Variants in TCF7 observed in about 807,000 individuals in gnomAD.
The protein encoded by TCF7 is transcription factor 7, also known as T-cell-factor-7.
In TCF7, 19 loss-of-function variants were observed where a neutral mutation model predicts 46.8. That is an observed-to-expected ratio of 0.41 (90% CI 0.28 to 0.60). The LOEUF is 0.60. TCF7 is among the 20% of genes least tolerant of loss of function. The probability of loss-of-function intolerance (pLI) is 0.35; values close to 1 mark genes in which losing one functional copy is unlikely to be tolerated. For missense variants in TCF7, 547 were observed against 504.6 expected, an observed-to-expected ratio of 1.08 and a Z score of -0.81; for synonymous variants, 245 against 213.4, an observed-to-expected ratio of 1.15 and a Z score of -1.29.
At position 134,142,977 on chromosome 5, in the gene TCF7, CT is replaced by C. The variant is rs1760079587; in HGVS notation, c.919-15del. 6.2e-7 allele frequency: 1 copy of C among 1,613,670 alleles called. No homozygotes were observed. Among genetic ancestry groups the C allele is most frequent in the Admixed American group, 1.7e-5 (1 of 59,962 alleles). ...ACTCCCTGATGCACCCCACCTGCCC[CT>C]CTTCCCTGTTGCAGTGGCACGCGCT... On this transcript the variant is annotated splice_polypyrimidine_tract_variant and intron_variant, in intron 7 of 9. Coordinates refer to ENST00000342854, the MANE Select transcript of TCF7 (RefSeq NM_003202.5).
chr5:134,115,473 CG>C, intron 2 of TCF7, 86 bp downstream of exon 2: 2 of 1,518,352 alleles, frequency 1.3e-6, no homozygotes, highest in Non-Finnish European at 1.8e-6. Flanking sequence ...CGCGGGGAGC[CG>C]GGTGCCTCCC....
At chr5:134,123,423 C>T (rs1053597349) in intron 3 of TCF7, among the ~76,000 whole-genome samples, 10 of 152,234 alleles carry the variant, frequency 6.6e-5, no homozygotes, top group African/African-American at 2.4e-4. Flanking sequence ...TCACTGGGAG[C>T]CTCTAAGTCG....
At chr5:134,143,886 T>C (rs1760273349) in intron 9 of TCF7, 2 of 519,252 alleles carry the variant, frequency 3.9e-6, no homozygotes, top group Admixed American at 3.3e-5. Context: ...AGATGGTGCG[T>C]TCCTCTGCCT....
chr5:134,123,115 A>G (rs1263147272), intron 3 of TCF7, among the ~76,000 whole-genome samples: 1 of 152,216 alleles, frequency 6.6e-6, no homozygotes, highest in African/African-American at 2.4e-5. Context: ...AGCACACAGT[A>G]GGTGCCTCCT....
At chr5:134,145,192 G>A (rs925240010) in intron 9 of TCF7, 1 of 593,714 alleles carries the variant, frequency 1.7e-6, no homozygotes, top group Admixed American at 1.9e-5. Flanking sequence ...CACTAAGGGG[G>A]CCTGGAGCCC....
At chr5:134,120,379 C>T (rs969316916) in intron 3 of TCF7, among the ~76,000 whole-genome samples, 1 of 152,144 alleles carries the variant, frequency 6.6e-6, no homozygotes, top group African/African-American at 2.4e-5. Context: ...CATCTCTCAC[C>T]TGATGAGACC....
intron 5 of TCF7, among the ~76,000 whole-genome samples, chr5:134,140,113 C>T (rs1759512361): frequency 6.6e-6 from 1 of 152,178 alleles, no homozygotes; most frequent in Admixed American, 6.5e-5. Context: ...GCCCTGTGCT[C>T]TCGGCTTCCA....
At chr5:134,145,793 C>T (rs780424231) in intron 9 of TCF7, 6 of 1,613,922 alleles carry the variant, frequency 3.7e-6, no homozygotes, top group Admixed American at 1.7e-5. Context: ...AGTCACTGTC[C>T]ATGTCTTCTT....
Position 134,146,884 on chromosome 5 carries a change from C to T in TCF7, c.*581C>T, listed in dbSNP as rs116635164. ...CTAGCTACCTTCTCTACCCATCTCC[C>T]CCATCCCCCACTGCCACACCCTCCC... On this transcript the variant is annotated 3_prime_UTR_variant, in exon 10 of 10. Coordinates refer to ENST00000342854, the MANE Select transcript of TCF7 (RefSeq NM_003202.5). 3.4e-6 allele frequency: 1 copy of T among 293,824 alleles called. No homozygotes were observed. The highest frequency in any genetic ancestry group is 4.0e-5 in the South Asian group (1 of 25,150). The allele number at this position is 293,824 out of a possible 1,614,324, so 18.2% of individuals were successfully genotyped here.
chr5:134,118,899 A>G, intron 3 of TCF7, among the ~76,000 whole-genome samples: 1 of 152,092 alleles, frequency 6.6e-6, no homozygotes, highest in East Asian at 1.9e-4. Context: ...CTCCCACCTC[A>G]GCCTTCTGAG....
chr5:134,115,243 C>G (rs369962130), intron 1 of TCF7, 78 bp from the exon 2 acceptor site: 1 of 1,381,838 alleles, frequency 7.2e-7, no homozygotes, highest in East Asian at 3.1e-5. Context: ...CTCCAGCGCG[C>G]AGAGCGTCCC....
upstream of TCF7, among the ~76,000 whole-genome samples, chr5:134,112,883 G>A (rs1025266249): frequency 2.6e-5 from 4 of 152,252 alleles, 1 homozygote; most frequent in South Asian, 8.3e-4. Flanking sequence ...GATCTGTGTC[G>A]GTGGAACTCA....
At chr5:134,142,683 CGGG>C in intron 6 of TCF7, 35 bp from the exon 7 acceptor site, 1 of 1,607,818 alleles carries the variant, frequency 6.2e-7, no homozygotes, top group East Asian at 2.2e-5. Flanking sequence ...GGTGGGCACT[CGGG>C]GGGCTCCTGA....
At chr5:134,109,830 G>A (rs544732828), upstream of TCF7, among the ~76,000 whole-genome samples, 178 of 151,746 alleles carry the variant, frequency 1.2e-3, no homozygotes, top group African/African-American at 3.6e-3. Flanking sequence ...GTGAATTTGG[G>A]CCCAAAGAAG....
intron 3 of TCF7, among the ~76,000 whole-genome samples, chr5:134,126,435 GGC>G (rs1163232774): frequency 6.6e-6 from 1 of 152,226 alleles, no homozygotes; most frequent in East Asian, 1.9e-4. Flanking sequence ...GTGGGGCCCA[GGC>G]CACATCTGTT....
At position 134,115,677 on chromosome 5, in the gene TCF7, T is replaced by C. The variant is rs540114881; in HGVS notation, c.317-232T>C. 2.4e-5 allele frequency: 35 copies of C among 1,429,080 alleles called. 1 individual carries two copies. The South Asian group carries it at 5.1e-4, about 21-fold the overall frequency. 88.5% of individuals were successfully genotyped at this position (1,429,080 alleles called of 1,614,324 possible). ...TTCAGGAGACAGAATTGGCCAAGGT[T>C]TCTTGGTTGGAGGGCGGGGGGTGGG... is the stretch of plus-strand genomic sequence containing the variant. On this transcript the variant is annotated intron_variant, in intron 2 of 9. Transcript: ENST00000342854.
intron 3 of TCF7, among the ~76,000 whole-genome samples, chr5:134,122,893 T>G (rs535024458): frequency 1.3e-5 from 2 of 152,318 alleles, no homozygotes; most frequent in South Asian, 2.1e-4. Context: ...AAGGGACTTA[T>G]CCAAGGCCCC....
intron 9 of TCF7, 104 bp from the exon 10 acceptor site, chr5:134,146,120 G>A (rs1261972417): frequency 5.0e-6 from 8 of 1,609,168 alleles, no homozygotes; most frequent in East Asian, 2.2e-5. Context: ...AGGAAGAGAG[G>A]ACAAGGAATC....
intron 9 of TCF7, chr5:134,144,752 C>T: frequency 6.6e-7 from 1 of 1,506,868 alleles, no homozygotes; most frequent in Non-Finnish European, 9.2e-7. Context: ...CCGCTGCCTG[C>T]TCGCCCTCTG....
Sources: gnomAD v4.1 joint callset for allele counts (sites outside exome capture counted in the v4.1 genomes callset) on GRCh38, gnomAD v4.1.1 for gene constraint, MANE v1.5 for transcripts, NCBI Gene and HGNC (gene_info 2026-07-23, HGNC 2026-07-21) for gene names.